STIL: variants seen among roughly 807,000 people sequenced by gnomAD.
The protein encoded by STIL is SCL-interrupting locus protein.
STIL carries 55 observed loss-of-function variants against 110.1 expected under a neutral mutation model. The observed-to-expected ratio is 0.50, with a 90% CI of 0.40 to 0.63. The LOEUF (loss-of-function observed/expected upper bound fraction) is 0.63. Among genes scored for constraint, STIL ranks in the 20% least tolerant of loss-of-function variants. The pLI, the probability that STIL is intolerant of heterozygous loss-of-function variation, is 0.00. For missense variants in STIL, 1,358 were observed against 1,530.0 expected (o/e 0.89, Z 1.87); for synonymous variants, 481 against 530.0 (o/e 0.91, Z 1.27).
chr1:47,296,770 C>T lies in STIL; in HGVS notation c.702-922G>A, dbSNP rs865964601. Among the ~76,000 whole-genome samples, 4 of 152,142 alleles carry T rather than the reference C, an allele frequency of 2.6e-5. No homozygotes were observed. The Middle Eastern group carries it at 0.014, about 517-fold the overall frequency. ...CAGAGGTTGCAGTGAGCCGAGATTG[C>T]ACCACTGCACTTCAGCCTGGGCAAC... On this transcript the variant is annotated intron_variant, in intron 6 of 16. Transcript: ENST00000371877.
At chr1:47,304,434 CT>C (rs1645894008) in intron 3 of STIL, among the ~76,000 whole-genome samples, 1 of 152,168 alleles carries the variant, frequency 6.6e-6, no homozygotes, top group Admixed American at 6.5e-5. Flanking sequence ...TAGAATACTA[CT>C]TTTAACAAGT....
intron 8 of STIL, among the ~76,000 whole-genome samples, chr1:47,291,062 T>G (rs1418270495): frequency 6.6e-6 from 1 of 152,142 alleles, no homozygotes; most frequent in Non-Finnish European, 1.5e-5. Flanking sequence ...GACCACCTAT[T>G]TAAATTGCAA....
chr1:47,295,730 G>A, intron 7 of STIL, 35 bp downstream of exon 7: 1 of 1,384,636 alleles, frequency 7.2e-7, no homozygotes, highest in Non-Finnish European at 1.0e-6. Context: ...TGAACATTTG[G>A]CTGATAAGGT....
At chr1:47,307,739 C>T (rs547056161) in intron 2 of STIL, among the ~76,000 whole-genome samples, 316 of 152,298 alleles carry the variant, frequency 2.1e-3, no homozygotes, top group African/African-American at 7.3e-3. Flanking sequence ...GTGAGCCAGG[C>T]AGAACAGAGC....
chr1:47,311,507 G>A (rs550039314), intron 1 of STIL, among the ~76,000 whole-genome samples: 82 of 151,220 alleles, frequency 5.4e-4, no homozygotes, highest in African/African-American at 1.8e-3. Context: ...GGCTGGTCTC[G>A]AACTCTTGGA....
Position 47,289,496 on chromosome 1 carries a change from C to G in STIL, c.962G>C (p.Gly321Ala), listed in dbSNP as rs1346762094. Residue 321 changes from glycine (G) to alanine (A), a missense_variant, in exon 9 of 17, where the codon GGC becomes GCC. Gly to Ala is a moderately conservative substitution (Grantham distance 60). Coordinates refer to ENST00000371877, the MANE Select transcript of STIL (RefSeq NM_001048166.1). ...PEFYECFPCD[G>A]KIPDFRFQLL... ...CTGAAACCGAAAGTCAGGTATCTTG[C>G]CATCACAAGGGAAGCATTCATAAAA... The G allele has an allele frequency of 1.2e-5, 20 of 1,613,528 alleles. No homozygotes were observed. Among genetic ancestry groups the G allele is most frequent in the Non-Finnish European group, 1.7e-5 (20 of 1,179,686 alleles).
In STIL at chr1:47,281,152, T is replaced by C. The variant is rs1027710019; in HGVS notation, c.1306A>G (p.Ile436Val). 6.2e-7 allele frequency: 1 copy of C among 1,613,926 alleles called. No individual in the cohort carries two copies. The highest frequency in any genetic ancestry group is 1.3e-5 in the African/African-American group (1 of 75,032). Residue 436 changes from isoleucine to valine, a missense_variant, in exon 12 of 17, where the codon ATA (isoleucine) becomes GTA (valine). By Grantham distance (29) the Ile-to-Val change is conservative. Transcript: ENST00000371877. Reference protein sequence around the residue: ...ELSLVLDGNFIESNPLPTPLE... With the variant: ...ELSLVLDGNFVESNPLPTPLE... ...GGAGTAGGCAGAGGGTTTGATTCTATGAAATTGCCATCCAACACAAGTGAA... is the reference window on the plus strand; with the variant it reads ...GGAGTAGGCAGAGGGTTTGATTCTACGAAATTGCCATCCAACACAAGTGAA...
chr1:47,302,238 G>A lies in STIL; in HGVS notation c.261C>T (p.Asp87=), dbSNP rs370312101. ...SCFLLGSLTA[D]EDEEGVTLTV... The stretch of plus-strand genomic sequence containing the variant: ...CCATTTTTAAAAGTGTATTACCTTC[G>A]TCTGCTGTCAGAGAACCAAGTAAAA... Residue 87 remains aspartate (D), a synonymous_variant, in exon 4 of 17, where the codon GAC becomes GAT. Transcript: ENST00000371877. 9.3e-6 allele frequency: 15 copies of A among 1,609,844 alleles called. No individual in the cohort carries two copies. The South Asian group carries it at 1.1e-4, about 12-fold the overall frequency.
chr1:47,270,494 T>C (rs1392719211), intron 13 of STIL, among the ~76,000 whole-genome samples: 1 of 151,850 alleles, frequency 6.6e-6, no homozygotes, highest in African/African-American at 2.4e-5. Context: ...ATGGGGTGTG[T>C]ATGTTGAAAA....
intron 12 of STIL, among the ~76,000 whole-genome samples, chr1:47,273,770 T>C (rs1176345949): frequency 6.6e-6 from 1 of 152,198 alleles, no homozygotes; most frequent in African/African-American, 2.4e-5. Context: ...TCTCTACAAA[T>C]GGTACTACTG....
intron 7 of STIL, among the ~76,000 whole-genome samples, chr1:47,294,042 T>C (rs74074070): frequency 4.7e-4 from 72 of 152,316 alleles, no homozygotes; most frequent in African/African-American, 1.7e-3. Flanking sequence ...CCATTGCCTA[T>C]ATTAGGACTG....
chr1:47,299,836 CA>C, intron 6 of STIL, 68 bp downstream of exon 6: 12 of 1,509,606 alleles, frequency 7.9e-6, no homozygotes, highest in Non-Finnish European at 1.1e-5. Context: ...ACAATTCTTT[CA>C]CATTACATGG....
intron 14 of STIL, among the ~76,000 whole-genome samples, chr1:47,268,636 T>A (rs905624924): frequency 2.0e-5 from 3 of 151,938 alleles, no homozygotes; most frequent in Admixed American, 6.6e-5. Flanking sequence ...CAGGTGTCTG[T>A]AATCCCAGCT....
intron 8 of STIL, among the ~76,000 whole-genome samples, chr1:47,290,396 T>A (rs1257296984): frequency 6.6e-6 from 1 of 152,192 alleles, no homozygotes; most frequent in African/African-American, 2.4e-5. Flanking sequence ...GAGAGCTTGC[T>A]AGCACAAGCA....
intron 11 of STIL, 68 bp downstream of exon 11, chr1:47,282,277 G>C (rs892246198): frequency 6.5e-6 from 6 of 925,252 alleles, no homozygotes; most frequent in Non-Finnish European, 8.9e-6. Flanking sequence ...GTATTATTTA[G>C]TGTTTTAACC....
At chr1:47,260,565 T>C (rs1644455866) in intron 15 of STIL, 26 bp from the exon 16 acceptor site, 1 of 1,611,564 alleles carries the variant, frequency 6.2e-7, no homozygotes. Context: ...AAAATTTTTT[T>C]GAAAAATCAC....
chr1:47,253,110 C>A (rs1430145906), intron 16 of STIL, among the ~76,000 whole-genome samples: 3 of 152,138 alleles, frequency 2.0e-5, no homozygotes, highest in African/African-American at 7.2e-5. Flanking sequence ...AGCCACTGTA[C>A]CCAGCCTGCT....
At chr1:47,262,843 C>G in intron 15 of STIL, 60 bp downstream of exon 15, 1 of 1,463,152 alleles carries the variant, frequency 6.8e-7, no homozygotes, top group East Asian at 2.3e-5. Context: ...AAAAGCTTAA[C>G]TAGTATATCC....
rs776118379 is a variant in STIL, at chr1:47,293,501, C to T, written c.829G>A (p.Ala277Thr). 1 of 1,613,210 alleles carries T rather than the reference C, an allele frequency of 6.2e-7. No individual in the cohort carries two copies. The highest frequency in any genetic ancestry group is 1.1e-5 in the South Asian group (1 of 91,058). The change falls in exon 8 of 17, where the codon GCT (alanine) becomes ACT (threonine). Residue 277 changes from alanine to threonine, a missense_variant. Transcript: ENST00000371877. ...TTGAATATGTATCGCAAACAGCAAG[C>T]CCATACCTGAGGACTATAGATATGT... is the stretch of plus-strand genomic sequence containing the variant. ...ITHIYSPQVWACCLRYIFNSS... is the reference protein window; with the variant it reads ...ITHIYSPQVWTCCLRYIFNSS...
Sources: allele counts gnomAD v4.1 joint callset (sites outside exome capture counted in the v4.1 genomes callset), GRCh38; gene constraint gnomAD v4.1.1; transcripts MANE v1.5; gene names NCBI Gene and HGNC (gene_info 2026-07-23, HGNC 2026-07-21).